PATL1: variants seen among roughly 807,000 people sequenced by gnomAD.
The protein encoded by PATL1 is PAT1 homolog 1, processing body mRNA decay factor, also known as protein PAT1 homolog 1.
In PATL1, 32 loss-of-function variants were observed where a neutral mutation model predicts 100.6. The observed-to-expected ratio is 0.32, with a 90% CI of 0.24 to 0.43. The LOEUF is 0.43. Among genes scored for constraint, PATL1 ranks in the 20% least tolerant of loss-of-function variants. The pLI, the probability that PATL1 is intolerant of heterozygous loss-of-function variation, is 1.00. For synonymous variants in PATL1, 332 were observed against 330.0 expected, an observed-to-expected ratio of 1.01 and a Z score of -0.07; for missense variants, 747 against 949.9, an observed-to-expected ratio of 0.79 and a Z score of 2.81.
intron 15 of PATL1, among the ~76,000 whole-genome samples, chr11:59,644,145 T>C (rs1861327960): frequency 6.6e-6 from 1 of 152,176 alleles, no homozygotes; most frequent in African/African-American, 2.4e-5. Context: ...AACAACAGCA[T>C]AATGACATTC....
chr11:59,637,384 T>TTCCATG lies in PATL1; in HGVS notation c.*1005_*1006insCATGGA, dbSNP rs1861208091. 6.6e-6 allele frequency: 1 copy of TTCCATG among 152,592 alleles called. No homozygotes were observed. The highest frequency in any genetic ancestry group is 1.5e-5 in the Non-Finnish European group (1 of 68,024). 9.5% of individuals were successfully genotyped at this position (152,592 alleles called of 1,614,324 possible). ...GACTAAAAAGCAAAGCAGGCCAAAC[T>TTCCATG]TAGCTTCCATGGTTACATTTGGAAG... is the stretch of plus-strand genomic sequence containing the variant. On this transcript the variant is annotated 3_prime_UTR_variant, in exon 19 of 19. Transcript: ENST00000300146.
intron 6 of PATL1, among the ~76,000 whole-genome samples, 196 bp from the exon 7 acceptor site, chr11:59,656,241 CAGT>C (rs765586232): frequency 1.3e-5 from 2 of 151,934 alleles, no homozygotes; most frequent in Non-Finnish European, 2.9e-5. Flanking sequence ...GAAAAAGAAG[CAGT>C]AGAACATGGG....
At chr11:59,650,845 C>A in intron 12 of PATL1, 32 bp from the exon 13 acceptor site, 1 of 1,431,372 alleles carries the variant, frequency 7.0e-7, no homozygotes. Flanking sequence ...AATGCAAATT[C>A]TTTATCTCTG....
chr11:59,656,509 C>T lies in PATL1; in HGVS notation c.713G>A (p.Cys238Tyr), dbSNP rs759600830. ...YGERMSPNQL[C>Y]SVPNSSLLGH... ...CTTAAAGTGACATACCGGGACACTGCAGAGCTGGTTTGGAGACATCCTCTC... is the reference window on the plus strand; with the variant it reads ...CTTAAAGTGACATACCGGGACACTGTAGAGCTGGTTTGGAGACATCCTCTC... Residue 238 changes from cysteine to tyrosine, a missense_variant, in exon 6 of 19, where the codon TGC (cysteine) becomes TAC (tyrosine). Cys to Tyr is a radical substitution (Grantham distance 194). Around this residue, in one of 4 missense-constraint regions of PATL1, gnomAD observed 127 missense variants for 116.0 expected, o/e 1.09. Coordinates refer to ENST00000300146, the MANE Select transcript of PATL1 (RefSeq NM_152716.3). 6.2e-6 allele frequency: 10 copies of T among 1,613,616 alleles called. No homozygotes were observed. The highest frequency in any genetic ancestry group is 8.5e-6 in the Non-Finnish European group (10 of 1,179,558).
chr11:59,660,990 G>C (rs927857188), intron 2 of PATL1, among the ~76,000 whole-genome samples: 2 of 152,194 alleles, frequency 1.3e-5, no homozygotes, highest in African/African-American at 4.8e-5. Context: ...TCTGGAGCTA[G>C]ACCTTACTTC....
chr11:59,642,701 T>G, intron 16 of PATL1, 179 bp downstream of exon 16: 1 of 634,066 alleles, frequency 1.6e-6, no homozygotes, highest in Non-Finnish European at 2.6e-6. Context: ...ACTAGACACA[T>G]AAAATCCCAT....
At chr11:59,649,046 A>G (rs1471940974) in intron 14 of PATL1, among the ~76,000 whole-genome samples, 1 of 152,222 alleles carries the variant, frequency 6.6e-6, no homozygotes, top group African/African-American at 2.4e-5. Context: ...TAGGATATAA[A>G]TATTTTGTGG....
At chr11:59,653,090 C>G in intron 9 of PATL1, 72 bp from the exon 10 acceptor site, 1 of 1,325,652 alleles carries the variant, frequency 7.5e-7, no homozygotes, top group East Asian at 2.4e-5. Context: ...AGGAATAAAC[C>G]AGGCCAGTTT....
chr11:59,647,652 C>T, intron 15 of PATL1, 102 bp downstream of exon 15: 2 of 1,265,136 alleles, frequency 1.6e-6, no homozygotes, highest in Non-Finnish European at 2.2e-6. Context: ...AAAGATTAGA[C>T]AAAAATACAA....
intron 5 of PATL1, among the ~76,000 whole-genome samples, chr11:59,657,284 T>C (rs1861549950): frequency 1.3e-5 from 2 of 152,216 alleles, no homozygotes; most frequent in South Asian, 4.1e-4. Context: ...AAAAAGGATA[T>C]ATGTGCTAAA....
intron 15 of PATL1, among the ~76,000 whole-genome samples, chr11:59,647,504 C>T (rs1244221629): frequency 2.6e-5 from 4 of 152,142 alleles, no homozygotes; most frequent in Non-Finnish European, 5.9e-5. Flanking sequence ...CAGACCACAT[C>T]TTTACAACTA....
intron 14 of PATL1, among the ~76,000 whole-genome samples, chr11:59,648,807 T>C (rs960321265): frequency 4.6e-5 from 7 of 152,204 alleles, no homozygotes; most frequent in African/African-American, 1.7e-4. Context: ...ACACGGTGTG[T>C]TGAAAACAAA....
chr11:59,667,179 T>A, intron 1 of PATL1: 1 of 745,776 alleles, frequency 1.3e-6, no homozygotes, highest in Non-Finnish European at 1.6e-6. Flanking sequence ...TTATTTCATT[T>A]AATTCTTGCC....
Position 59,668,942 on chromosome 11 carries a change from G to A in PATL1, c.-47C>T, listed in dbSNP as rs1413857399. 4 of 397,314 alleles carry A rather than the reference G, an allele frequency of 1.0e-5. No homozygotes were observed. Among genetic ancestry groups the A allele is most frequent in the Non-Finnish European group, 1.9e-5 (4 of 215,132 alleles). 24.6% of individuals were successfully genotyped at this position (397,314 alleles called of 1,614,324 possible). A position where few individuals can be genotyped will look rare whatever the true frequency, so the allele number is the denominator to read the frequency against. On this transcript the variant is annotated 5_prime_UTR_variant, in exon 1 of 19. Transcript: ENST00000300146. ...GCGGGGAGGGGAGAGGGGGAGGGAG[G>A]GAAGAAGCGCTGACTCCCCGGCTCC...
intron 16 of PATL1, among the ~76,000 whole-genome samples, chr11:59,640,672 A>G (rs796849669): frequency 6.6e-6 from 1 of 151,684 alleles, no homozygotes; most frequent in South Asian, 2.1e-4. Flanking sequence ...GTGAGCTGCG[A>G]TCGCGCCACT....
At position 59,661,734 on chromosome 11, in the gene PATL1, A is replaced by G. The variant is rs146874574; in HGVS notation, c.128-2265T>C. ...CAATTCCACAGCTGTGTTAAGTTTT[A>G]AACAGTTTTAAGCTGTGTTAAGTTT... is the stretch of plus-strand genomic sequence containing the variant. On this transcript the variant is annotated intron_variant, in intron 2 of 18. Transcript: ENST00000300146. Among the ~76,000 whole-genome samples the G allele has an allele frequency of 6.6e-3, 1,007 of 152,304 alleles. 16 individuals carry two copies. Among genetic ancestry groups the G allele is most frequent in the African/African-American group, 0.023 (972 of 41,566 alleles).
rs1244803811 is a variant in PATL1 at position 59,647,888 on chromosome 11, T to C, written c.1759A>G (p.Ile587Val). The C allele has an allele frequency of 1.2e-6, 2 of 1,613,928 alleles. No homozygotes were observed. Among genetic ancestry groups the C allele is most frequent in the Non-Finnish European group, 1.7e-6 (2 of 1,179,856 alleles). Reference sequence around the variant, plus strand: ...CTCTTCCCTTTTCGGATACACATGATCTGTACAAAGTGGTCATCACTAGGC... The same window carrying C: ...CTCTTCCCTTTTCGGATACACATGACCTGTACAAAGTGGTCATCACTAGGC... ...ERPSDDHFVQ[I>V]MCIRKGKRMV... Residue 587 changes from isoleucine to valine, a missense_variant, in exon 15 of 19, where the codon ATC becomes GTC. Ile to Val is a conservative substitution (Grantham distance 29, BLOSUM62 3). This residue lies in a region of PATL1 where 434 missense variants were observed against 596.1 expected (regional missense o/e 0.73). Coordinates refer to ENST00000300146, the MANE Select transcript of PATL1 (RefSeq NM_152716.3).
At chr11:59,652,611 T>C (rs1235545212) in intron 10 of PATL1, 24 bp from the exon 11 acceptor site, 1 of 1,611,988 alleles carries the variant, frequency 6.2e-7, no homozygotes. Context: ...ATGATTTCAG[T>C]TGTAACACAA....
At chr11:59,668,512 T>G (rs1234818496) in intron 1 of PATL1, among the ~76,000 whole-genome samples, 1 of 151,610 alleles carries the variant, frequency 6.6e-6, no homozygotes, top group East Asian at 1.9e-4. Context: ...GAAACGCGGC[T>G]CTGGGAATTC....
Sources: gnomAD v4.1 joint callset for allele counts (sites outside exome capture counted in the v4.1 genomes callset) on GRCh38, gnomAD v4.1.1 for gene constraint, gnomAD v4.1.1 regional missense constraint, MANE v1.5 for transcripts, NCBI Gene and HGNC (gene_info 2026-07-23, HGNC 2026-07-21) for gene names.